DLG2: variants seen among roughly 807,000 people sequenced by gnomAD.
The protein encoded by DLG2 is disks large homolog 2.
In DLG2, 45 loss-of-function variants were observed where a neutral mutation model predicts 132.5. That is an observed-to-expected ratio of 0.34 (90% CI 0.27 to 0.44). DLG2 has a LOEUF of 0.44. Among genes scored for constraint, DLG2 ranks in the 20% least tolerant of loss-of-function variants. DLG2 has a pLI of 1.00. For missense variants in DLG2, 1,045 were observed against 1,196.9 expected (o/e 0.87, Z 1.87); for synonymous variants, 424 against 419.6 (o/e 1.01, Z -0.13).
At chr11:83,867,590 T>C (rs61900044) in intron 16 of DLG2, among the ~76,000 whole-genome samples, 15,825 of 152,236 alleles carry the variant, frequency 0.1, 932 homozygotes, top group Middle Eastern at 0.2. Context: ...CTAGAAAATC[T>C]AGATTTTCTA....
At chr11:84,859,630 G>A (rs1298910349) in intron 6 of DLG2, among the ~76,000 whole-genome samples, 1 of 151,508 alleles carries the variant, frequency 6.6e-6, no homozygotes, top group Non-Finnish European at 1.5e-5. Context: ...AGTAAACATA[G>A]CAGAATATGC....
At chr11:84,059,075 A>T (rs1025013808) in intron 11 of DLG2, among the ~76,000 whole-genome samples, 1 of 152,090 alleles carries the variant, frequency 6.6e-6, no homozygotes, top group Non-Finnish European at 1.5e-5. Context: ...AACATAGATG[A>T]CTGTTAATAT....
intron 6 of DLG2, among the ~76,000 whole-genome samples, chr11:84,776,067 A>T (rs1190328037): frequency 6.6e-6 from 1 of 152,154 alleles, no homozygotes; most frequent in Non-Finnish European, 1.5e-5. Flanking sequence ...GTGATCAAAT[A>T]TGCCTGATTA....
intron 3 of DLG2, among the ~76,000 whole-genome samples, chr11:85,375,095 T>A (rs2085301451): frequency 6.6e-6 from 1 of 152,050 alleles, no homozygotes; most frequent in African/African-American, 2.4e-5. Flanking sequence ...TTTTTTCTTT[T>A]CTTTTTTTTT....
intron 7 of DLG2, among the ~76,000 whole-genome samples, chr11:84,302,955 A>G (rs954296452): frequency 1.3e-5 from 2 of 151,872 alleles, no homozygotes; most frequent in Admixed American, 6.6e-5. Context: ...ACACACAGAC[A>G]GACACACACA....
At chr11:84,091,355 T>C (rs892929196) in intron 10 of DLG2, among the ~76,000 whole-genome samples, 7 of 152,268 alleles carry the variant, frequency 4.6e-5, no homozygotes, top group Admixed American at 1.3e-4. Context: ...CTCCAGCCAG[T>C]AGAGGGAAAA....
intron 18 of DLG2, among the ~76,000 whole-genome samples, chr11:83,774,754 C>T (rs947787968): frequency 6.6e-6 from 1 of 152,162 alleles, no homozygotes; most frequent in African/African-American, 2.4e-5. Flanking sequence ...ATTACACTAG[C>T]TGTCATTTAC....
rs748561259 is a variant in DLG2 at position 83,930,384 on chromosome 11, G to C, written c.1440C>G (p.Leu480=). 1.9e-6 allele frequency: 3 copies of C among 1,614,136 alleles called. No homozygotes were observed. Among genetic ancestry groups the C allele is most frequent in the Non-Finnish European group, 2.5e-6 (3 of 1,179,976 alleles). The stretch of plus-strand genomic sequence containing the variant: ...GGTGGTAGTGGGAATAGGGAGCTGA[G>C]AGGAGGAAGCTTTTGTCACACTCAA... ...SPVECDKSFL[L]SAPYSHYHLG... Residue 480 remains leucine, a synonymous_variant, in exon 15 of 28, where the codon CTC becomes CTG. Transcript: ENST00000376104.
At chr11:83,550,499 A>T (rs6592125) in intron 19 of DLG2, among the ~76,000 whole-genome samples, 5 of 151,986 alleles carry the variant, frequency 3.3e-5, no homozygotes, top group African/African-American at 1.2e-4. Flanking sequence ...CTGAGCTCCA[A>T]TGTTGACTCA....
At chr11:83,670,197 A>G (rs1270484995) in intron 18 of DLG2, among the ~76,000 whole-genome samples, 2 of 152,196 alleles carry the variant, frequency 1.3e-5, no homozygotes, top group Non-Finnish European at 2.9e-5. Context: ...CAAACTCTGT[A>G]GACTTTTCTC....
rs114056759 is a variant in DLG2, at chr11:84,904,825, C to T, written c.357+206836G>A. ...TACACCACAATTTCTTACATTTTCA[C>T]GGTGCAAATAATGGAGAAATTTACT... On this transcript the variant is annotated intron_variant, in intron 6 of 27. Coordinates refer to ENST00000376104, the MANE Select transcript of DLG2 (RefSeq NM_001142699.3). Among the ~76,000 whole-genome samples, 738 of 152,288 alleles carry T rather than the reference C, an allele frequency of 4.8e-3. 4 individuals are homozygous for T. The highest frequency in any genetic ancestry group is 6.9e-3 in the Non-Finnish European group (466 of 68,022).
intron 3 of DLG2, among the ~76,000 whole-genome samples, chr11:85,530,984 C>A (rs1565643619): frequency 6.6e-6 from 1 of 152,120 alleles, no homozygotes; most frequent in Admixed American, 6.6e-5. Context: ...AGGCTTTCTG[C>A]CCTCCCCCTA....
chr11:84,967,657 A>G (rs1305200742), intron 6 of DLG2, among the ~76,000 whole-genome samples: 1 of 152,154 alleles, frequency 6.6e-6, no homozygotes, highest in Non-Finnish European at 1.5e-5. Flanking sequence ...CTTGAAGAAC[A>G]TGATATACCT....
chr11:83,488,196 T>TTTAA (rs2093636988), intron 21 of DLG2, among the ~76,000 whole-genome samples: 2 of 152,056 alleles, frequency 1.3e-5, no homozygotes, highest in Non-Finnish European at 1.5e-5. Context: ...AATTTTTATC[T>TTTAA]TTAATTGAAT....
chr11:85,540,389 G>C (rs2075887239), intron 3 of DLG2, among the ~76,000 whole-genome samples: 1 of 152,174 alleles, frequency 6.6e-6, no homozygotes, highest in Non-Finnish European at 1.5e-5. Context: ...GATGCTGACA[G>C]GCCATCAATG....
intron 3 of DLG2, among the ~76,000 whole-genome samples, chr11:85,506,740 G>C (rs922945614): frequency 6.6e-6 from 1 of 152,122 alleles, no homozygotes; most frequent in Non-Finnish European, 1.5e-5. Flanking sequence ...GGTCCGCTTG[G>C]TGCAGAGCTG....
intron 14 of DLG2, among the ~76,000 whole-genome samples, chr11:83,937,081 A>C (rs971132369): frequency 7.2e-5 from 11 of 152,160 alleles, no homozygotes; most frequent in Non-Finnish European, 1.6e-4. Context: ...AAAAATTTTT[A>C]ATTGAACTCA....
chr11:84,629,692 C>T (rs1438617706), intron 6 of DLG2, among the ~76,000 whole-genome samples: 1 of 152,142 alleles, frequency 6.6e-6, no homozygotes, highest in Non-Finnish European at 1.5e-5. Flanking sequence ...CCTAACAGAA[C>T]TTGACAAATT....
chr11:84,590,769 CAGA>C (rs1404268551), intron 6 of DLG2, among the ~76,000 whole-genome samples: 4 of 152,080 alleles, frequency 2.6e-5, no homozygotes, highest in African/African-American at 9.7e-5. Context: ...GTGAATAATG[CAGA>C]AGTTCACCTC....
Sources: gnomAD v4.1 joint callset for allele counts (sites outside exome capture counted in the v4.1 genomes callset) on GRCh38, gnomAD v4.1.1 for gene constraint, MANE v1.5 for transcripts, NCBI Gene and HGNC (gene_info 2026-07-23, HGNC 2026-07-21) for gene names.